Variants in PARP4 observed in about 807,000 individuals in gnomAD.
PARP4 encodes poly(ADP-ribose) polymerase family member 4, also known as protein mono-ADP-ribosyltransferase PARP4.
PARP4 carries 120 observed loss-of-function variants against 187.7 expected under a neutral mutation model. The ratio of observed to expected loss-of-function variants is 0.64; its 90% confidence interval spans 0.55 to 0.74. PARP4 has a LOEUF of 0.74. PARP4 is among the 30% of genes least tolerant of loss of function. The pLI is 0.00. For synonymous variants in PARP4, 654 were observed against 740.9 expected (o/e 0.88, Z 1.90); for missense variants, 1,836 against 2,070.5 (o/e 0.89, Z 2.20).
chr13:24,465,270 C>T (rs1300195340), intron 17 of PARP4, among the ~76,000 whole-genome samples: 1 of 152,198 alleles, frequency 6.6e-6, no homozygotes, highest in African/African-American at 2.4e-5. Flanking sequence ...CCATTTGACC[C>T]ACCAATCCCA....
intron 1 of PARP4, among the ~76,000 whole-genome samples, chr13:24,508,706 G>A (rs1869844278): frequency 6.6e-6 from 1 of 152,072 alleles, no homozygotes; most frequent in Non-Finnish European, 1.5e-5. Context: ...TAGAGACGGG[G>A]TTTCACCATG....
chr13:24,483,041 G>T (rs559277588), intron 12 of PARP4, among the ~76,000 whole-genome samples: 1 of 150,716 alleles, frequency 6.6e-6, no homozygotes, highest in Admixed American at 6.6e-5. Context: ...TTTTTTAAGA[G>T]ATTGGGTCTC....
Position 24,493,643 on chromosome 13 carries a change from G to C in PARP4, c.832C>G (p.Leu278Val). The C allele has an allele frequency of 6.2e-7, 1 of 1,613,998 alleles. No individual in the cohort carries two copies. Among genetic ancestry groups the C allele is most frequent in the Non-Finnish European group, 8.5e-7 (1 of 1,179,982 alleles). ...ACTGGCTTGAGAAGCATGTGTTCCA[G>C]GTGGCCCAGGGCCTCTGCCCAAATC... is the stretch of plus-strand genomic sequence containing the variant. ...EMIWAEALGH[L>V]EHMLLKPVNR... Residue 278 changes from leucine to valine, a missense_variant, in exon 8 of 34, where the codon CTG becomes GTG. This residue lies in a region of PARP4 where 1,147 missense variants were observed against 1,214.2 expected (regional missense o/e 0.94). Coordinates refer to ENST00000381989, the MANE Select transcript of PARP4 (RefSeq NM_006437.4).
In PARP4 at chr13:24,469,941, C is replaced by A. The variant is rs200542770; in HGVS notation, c.1999G>T (p.Val667Leu). 128 of 1,613,740 alleles carry A rather than the reference C, an allele frequency of 7.9e-5. No homozygotes were observed. The highest frequency in any genetic ancestry group is 9.6e-5 in the Non-Finnish European group (113 of 1,179,836). The change falls in exon 16 of 34, where the codon GTG becomes TTG. Residue 667 changes from valine (V) to leucine (L), a missense_variant. Physicochemically the swap from Val to Leu is conservative, Grantham distance 32. Transcript: ENST00000381989. ...YIFPLDDKAAVCGFEAFINGK... is the reference protein window; with the variant it reads ...YIFPLDDKAALCGFEAFINGK... The stretch of plus-strand genomic sequence containing the variant: ...TTGATGAAGGCTTCGAAGCCACACA[C>A]AGCGGCCTTGTCATCCAAAGGAAAG...
At chr13:24,426,690 G>T in intron 32 of PARP4, 92 bp from the exon 33 acceptor site, 1 of 1,104,416 alleles carries the variant, frequency 9.1e-7, no homozygotes, top group South Asian at 1.5e-5. Context: ...ATTACAATAC[G>T]CCATCTGGCT....
chr13:24,490,465 G>GT (rs1868577736), intron 10 of PARP4, among the ~76,000 whole-genome samples: 1 of 152,204 alleles, frequency 6.6e-6, no homozygotes, highest in Admixed American at 6.5e-5. Context: ...TGAAATCGGA[G>GT]TGGAATATAG....
At chr13:24,426,045 T>G (rs1870033701) in intron 33 of PARP4, among the ~76,000 whole-genome samples, 1 of 152,218 alleles carries the variant, frequency 6.6e-6, no homozygotes. Flanking sequence ...TTATAACCTT[T>G]AAACACTTGT....
chr13:24,498,058 G>T, intron 6 of PARP4, 58 bp downstream of exon 6: 1 of 1,226,930 alleles, frequency 8.2e-7, no homozygotes, highest in South Asian at 1.3e-5. Flanking sequence ...CTGATTCATT[G>T]AAATGAGTTA....
chr13:24,466,133 C>T (rs1398449094), intron 17 of PARP4, among the ~76,000 whole-genome samples: 1 of 152,150 alleles, frequency 6.6e-6, no homozygotes, highest in Admixed American at 6.5e-5. Context: ...TAATTAGTGG[C>T]TACCATATTT....
intron 30 of PARP4, among the ~76,000 whole-genome samples, chr13:24,438,011 G>A (rs1870721617): frequency 6.6e-6 from 1 of 152,154 alleles, no homozygotes; most frequent in Non-Finnish European, 1.5e-5. Flanking sequence ...ACCCACCTTG[G>A]CCTCCCAAAG....
intron 23 of PARP4, 110 bp downstream of exon 23, chr13:24,453,477 C>G: frequency 1.7e-6 from 1 of 579,988 alleles, no homozygotes. Context: ...ATACAAAAAC[C>G]ACAGGAGTAG....
intron 33 of PARP4, among the ~76,000 whole-genome samples, chr13:24,424,283 A>G (rs1288243166): frequency 6.6e-6 from 1 of 152,160 alleles, no homozygotes; most frequent in Non-Finnish European, 1.5e-5. Context: ...TGTTTGTATC[A>G]GGACCTAAAC....
chr13:24,442,093 G>A (rs58527084), intron 29 of PARP4, 125 bp from the exon 30 acceptor site: 37,054 of 903,378 alleles, frequency 0.041, 261 homozygotes, highest in African/African-American at 0.11. Context: ...AGCTTGTGCC[G>A]TGGGCCACAA....
intron 1 of PARP4, among the ~76,000 whole-genome samples, chr13:24,506,900 C>A (rs1193823881): frequency 6.6e-6 from 1 of 152,222 alleles, no homozygotes; most frequent in East Asian, 1.9e-4. Flanking sequence ...CAGGAGCCAA[C>A]TGAGGCGGGA....
At chr13:24,435,604 A>C in intron 30 of PARP4, 130 bp from the exon 31 acceptor site, 2 of 953,096 alleles carry the variant, frequency 2.1e-6, no homozygotes, top group South Asian at 1.7e-5. Context: ...AGGATCATCA[A>C]TGTGAGCTGG....
chr13:24,503,872 T>A (rs1869453786), intron 1 of PARP4, 95 bp from the exon 2 acceptor site: 4 of 1,061,456 alleles, frequency 3.8e-6, no homozygotes, highest in Non-Finnish European at 5.7e-6. Context: ...AAATTGGGCA[T>A]TATCTTAAGA....
At chr13:24,463,830 T>G (rs1335782771) in intron 17 of PARP4, among the ~76,000 whole-genome samples, 1 of 152,148 alleles carries the variant, frequency 6.6e-6, no homozygotes, top group Non-Finnish European at 1.5e-5. Context: ...TAAAGGTTAT[T>G]TGAATAGGAA....
chr13:24,455,506 T>TATATATATATATATATAA (rs1555234626), intron 21 of PARP4, among the ~76,000 whole-genome samples: 1 of 135,446 alleles, frequency 7.4e-6, no homozygotes, highest in African/African-American at 2.7e-5. Context: ...TATATATATA[T>TATATATATATATATATAA]CACACTATTC....
intron 22 of PARP4, among the ~76,000 whole-genome samples, chr13:24,454,421 C>G (rs1871709498): frequency 6.6e-6 from 1 of 152,184 alleles, no homozygotes; most frequent in Non-Finnish European, 1.5e-5. Context: ...TCCCCTCACT[C>G]CACTCCACGC....
Sources: allele counts gnomAD v4.1 joint callset (sites outside exome capture counted in the v4.1 genomes callset), GRCh38; gene constraint gnomAD v4.1.1; regional missense constraint gnomAD v4.1.1; transcripts MANE v1.5; gene names NCBI Gene and HGNC (gene_info 2026-07-23, HGNC 2026-07-21).